Variants in ADAMTSL1 observed in about 807,000 individuals in gnomAD.
ADAMTSL1 encodes the protein ADAMTS like 1.
Under a neutral mutation model 201.8 loss-of-function variants are expected in ADAMTSL1, and 126 were observed. That is an observed-to-expected ratio of 0.62 (90% confidence interval 0.54 to 0.72). The LOEUF is 0.72. ADAMTSL1 is among the 30% of genes least tolerant of loss of function. ADAMTSL1 has a pLI of 0.00. For synonymous variants in ADAMTSL1, 1,121 were observed against 903.4 expected, an observed-to-expected ratio of 1.24 and a Z score of -4.32; for missense variants, 2,679 against 2,277.8, an observed-to-expected ratio of 1.18 and a Z score of -3.59.
intron 2 of ADAMTSL1, among the ~76,000 whole-genome samples, chr9:18,188,367 G>A (rs1259730764): frequency 6.6e-6 from 1 of 152,082 alleles, no homozygotes; most frequent in African/African-American, 2.4e-5. Flanking sequence ...GAATTCTATG[G>A]GGTCTTTCCT....
chr9:18,298,659 C>G (rs368713757), intron 2 of ADAMTSL1, among the ~76,000 whole-genome samples: 16 of 145,602 alleles, frequency 1.1e-4, no homozygotes, highest in African/African-American at 4.3e-4. Context: ...TCTCAGTATT[C>G]TCATTTAACA....
intron 2 of ADAMTSL1, among the ~76,000 whole-genome samples, chr9:18,405,839 G>T (rs1305463804): frequency 1.3e-5 from 2 of 152,084 alleles, no homozygotes; most frequent in Non-Finnish European, 2.9e-5. Context: ...TTCTTCACCT[G>T]ACCATTTCAT....
rs181814468 is a variant in ADAMTSL1, at chr9:18,708,952, T to C, written c.1876+1904T>C. ...TTTAATTTAAAATGTTTTTAGAAGA[T>C]ACTGATTTAGAAATAAGATTTGGAT... is the stretch of plus-strand genomic sequence containing the variant. On this transcript the variant is annotated intron_variant, in intron 14 of 28. Transcript: ENST00000380548. 6.6e-5 allele frequency among the ~76,000 whole-genome samples: 10 copies of C among 152,324 alleles called. No individual in the cohort carries two copies. In the East Asian group the frequency reaches 1.7e-3, roughly 26 times the overall value.
At chr9:18,016,401 C>A (rs1460772145) in intron 1 of ADAMTSL1, among the ~76,000 whole-genome samples, 1 of 151,878 alleles carries the variant, frequency 6.6e-6, no homozygotes, top group African/African-American at 2.4e-5. Flanking sequence ...TATCGGTTGT[C>A]CTTTTGCAAG....
chr9:18,700,558 T>C (rs1831865162), intron 13 of ADAMTSL1, among the ~76,000 whole-genome samples: 1 of 152,182 alleles, frequency 6.6e-6, no homozygotes, highest in Admixed American at 6.5e-5. Context: ...TTTTACTCCA[T>C]TAATGTCTCA....
chr9:18,708,001 G>C (rs981719042), intron 14 of ADAMTSL1, among the ~76,000 whole-genome samples: 1 of 152,340 alleles, frequency 6.6e-6, no homozygotes, highest in Non-Finnish European at 1.5e-5. Flanking sequence ...AATTTTAATA[G>C]ATGAGGGAGC....
intron 1 of ADAMTSL1, among the ~76,000 whole-genome samples, chr9:18,010,459 T>A (rs1820006306): frequency 2.6e-5 from 4 of 152,016 alleles, no homozygotes; most frequent in Admixed American, 2.6e-4. Flanking sequence ...ATAGTCTAAT[T>A]CTGTAAAATA....
chr9:18,281,629 T>G (rs1351157516), intron 2 of ADAMTSL1, among the ~76,000 whole-genome samples: 1 of 152,244 alleles, frequency 6.6e-6, no homozygotes, highest in East Asian at 1.9e-4. Context: ...AAGAATAGAT[T>G]GAAATAGAGA....
intron 19 of ADAMTSL1, among the ~76,000 whole-genome samples, chr9:18,778,128 G>T (rs1256911277): frequency 2.0e-5 from 3 of 152,216 alleles, no homozygotes; most frequent in African/African-American, 2.4e-5. Context: ...ATCTTTATAA[G>T]GAAATAGCAA....
intron 2 of ADAMTSL1, among the ~76,000 whole-genome samples, chr9:18,241,166 C>A (rs1265753301): frequency 2.0e-5 from 3 of 152,238 alleles, no homozygotes; most frequent in South Asian, 4.2e-4. Context: ...AGTTTTCTGT[C>A]TATTTTGGTG....
chr9:18,756,294 A>C (rs1271031209), intron 16 of ADAMTSL1, among the ~76,000 whole-genome samples: 1 of 149,898 alleles, frequency 6.7e-6, no homozygotes, highest in Non-Finnish European at 1.5e-5. Flanking sequence ...AAAAAAAAAA[A>C]AAAAAAAAAA....
At chr9:18,662,217 C>T (rs1431028664) in intron 9 of ADAMTSL1, 144 bp downstream of exon 9, 20 of 1,130,660 alleles carry the variant, frequency 1.8e-5, no homozygotes, top group Admixed American at 2.6e-5. Context: ...TTACTAATCA[C>T]GTGTTATTAG....
rs998505168 is a variant in ADAMTSL1, at chr9:18,184,508, T to G, written c.207+20527T>G. Among the ~76,000 whole-genome samples the G allele has an allele frequency of 4.6e-5, 7 of 152,336 alleles. No individual in the cohort carries two copies. In the East Asian group the frequency reaches 1.3e-3, roughly 29 times the overall value. On this transcript the variant is annotated intron_variant, in intron 2 of 29. Transcript: ENST00000680146. ...ATGATAAGAGGATAGGATTTTTGCTTTTTGGAGTGAGTAAAGAAGGGAAAC... is the reference window on the plus strand; with the variant it reads ...ATGATAAGAGGATAGGATTTTTGCTGTTTGGAGTGAGTAAAGAAGGGAAAC...
chr9:18,764,391 T>C (rs11794701), intron 16 of ADAMTSL1, among the ~76,000 whole-genome samples: 2 of 152,262 alleles, frequency 1.3e-5, no homozygotes, highest in Non-Finnish European at 2.9e-5. Flanking sequence ...AATAGTTTTC[T>C]TGTGGAGTCT....
chr9:17,918,157 C>T (rs1826175215), intron 1 of ADAMTSL1, among the ~76,000 whole-genome samples: 1 of 151,594 alleles, frequency 6.6e-6, no homozygotes. Context: ...CTATTTCACT[C>T]ATTTCCTCTC....
chr9:18,653,103 A>T (rs545754029), intron 7 of ADAMTSL1, among the ~76,000 whole-genome samples: 2 of 152,366 alleles, frequency 1.3e-5, no homozygotes, highest in South Asian at 2.1e-4. Flanking sequence ...GCTAATCAGA[A>T]TATACTGCAT....
intron 2 of ADAMTSL1, among the ~76,000 whole-genome samples, chr9:18,468,051 C>T (rs1295006439): frequency 1.3e-5 from 2 of 152,066 alleles, no homozygotes; most frequent in Admixed American, 1.3e-4. Flanking sequence ...ATAATTCAAA[C>T]CTCAACAATT....
chr9:18,338,141 C>T (rs1461785961), intron 2 of ADAMTSL1, among the ~76,000 whole-genome samples: 1 of 152,090 alleles, frequency 6.6e-6, no homozygotes, highest in Non-Finnish European at 1.5e-5. Flanking sequence ...TTCTGTTTTC[C>T]GTAGTTTGCT....
intron 15 of ADAMTSL1, among the ~76,000 whole-genome samples, chr9:18,748,202 C>G (rs756544959): frequency 6.6e-6 from 1 of 152,282 alleles, no homozygotes; most frequent in East Asian, 1.9e-4. Flanking sequence ...AAACCAGCCT[C>G]CCAAATATTT....
Sources: gnomAD v4.1 joint callset for allele counts (sites outside exome capture counted in the v4.1 genomes callset) on GRCh38, gnomAD v4.1.1 for gene constraint, MANE v1.5 for transcripts, NCBI Gene and HGNC (gene_info 2026-07-23, HGNC 2026-07-21) for gene names.